PRKCE: variants seen among roughly 807,000 people sequenced by gnomAD.
The protein encoded by PRKCE is protein kinase C epsilon type.
In PRKCE, 16 loss-of-function variants were observed where a neutral mutation model predicts 85.4. The ratio of observed to expected loss-of-function variants is 0.19; its 90% CI spans 0.13 to 0.28. The LOEUF (loss-of-function observed/expected upper bound fraction) is 0.28. PRKCE is among the 10% of genes least tolerant of loss of function. PRKCE has a pLI of 1.00. For missense variants in PRKCE, 573 were observed against 975.2 expected (o/e 0.59, Z 5.49); for synonymous variants, 388 against 371.5 (o/e 1.04, Z -0.51).
chr2:45,877,253 G>T (rs2105788382), intron 2 of PRKCE, among the ~76,000 whole-genome samples: 1 of 152,158 alleles, frequency 6.6e-6, no homozygotes, highest in East Asian at 1.9e-4. Flanking sequence ...ATCTCTTTAA[G>T]ATTTTTATTC....
chr2:46,018,733 T>C (rs1451917623), intron 10 of PRKCE, among the ~76,000 whole-genome samples: 1 of 151,966 alleles, frequency 6.6e-6, no homozygotes, highest in African/African-American at 2.4e-5. Flanking sequence ...TTCATACATA[T>C]ATATTTATAA....
At chr2:45,776,018 T>G (rs1044224856) in intron 1 of PRKCE, among the ~76,000 whole-genome samples, 2 of 152,206 alleles carry the variant, frequency 1.3e-5, no homozygotes, top group Non-Finnish European at 2.9e-5. Context: ...CAATAAGGCA[T>G]ACCCTGAATA....
chr2:45,977,024 A>G (rs1007862370), intron 3 of PRKCE, among the ~76,000 whole-genome samples: 14 of 151,846 alleles, frequency 9.2e-5, no homozygotes, highest in South Asian at 2.1e-4. Flanking sequence ...AGCCTCCCAC[A>G]TAGCTGGGAT....
chr2:45,974,213 T>C (rs1033568802), intron 2 of PRKCE, among the ~76,000 whole-genome samples: 5 of 152,230 alleles, frequency 3.3e-5, no homozygotes, highest in African/African-American at 1.2e-4. Flanking sequence ...AAAACTTGCC[T>C]ATGATGGCAG....
At chr2:45,720,187 G>A (rs1680494516) in intron 1 of PRKCE, among the ~76,000 whole-genome samples, 1 of 152,162 alleles carries the variant, frequency 6.6e-6, no homozygotes, top group African/African-American at 2.4e-5. Context: ...AGGTGCAGTA[G>A]GTGAGGGAAA....
At chr2:45,670,010 CAAAAT>C (rs1044213211) in intron 1 of PRKCE, among the ~76,000 whole-genome samples, 4 of 151,934 alleles carry the variant, frequency 2.6e-5, no homozygotes, top group African/African-American at 4.8e-5. Flanking sequence ...GACTCAGTCT[CAAAAT>C]AAAATAAAAT....
Position 45,774,886 on chromosome 2 carries a change from G to A in PRKCE, c.349-68114G>A, listed in dbSNP as rs918122801. 3.9e-5 allele frequency among the ~76,000 whole-genome samples: 6 copies of A among 152,142 alleles called. No homozygotes were observed. Among genetic ancestry groups the A allele is most frequent in the African/African-American group, 1.2e-4 (5 of 41,440 alleles). ...CAAGTCCAGGGTATCACTGTGACCC[G>A]AGGAAGCCCAGTGACACGGTCCCAG... On this transcript the variant is annotated intron_variant, in intron 1 of 14. Coordinates refer to ENST00000306156, the MANE Select transcript of PRKCE (RefSeq NM_005400.3). The surrounding 1 kb of genome is among the most constrained non-coding windows in gnomAD (Gnocchi z 4.3).
At chr2:45,933,504 C>T (rs996179859) in intron 2 of PRKCE, among the ~76,000 whole-genome samples, 4 of 113,574 alleles carry the variant, frequency 3.5e-5, no homozygotes, top group Admixed American at 1.3e-4. Context: ...GACTGAGTCT[C>T]GCTCTGCCGC....
chr2:45,817,521 G>A (rs550581778), intron 1 of PRKCE, among the ~76,000 whole-genome samples: 85 of 131,582 alleles, frequency 6.5e-4, no homozygotes, highest in Non-Finnish European at 3.5e-4. Context: ...GTGAAACCCC[G>A]TCTCTAATAA....
rs373544028 is a variant in PRKCE at position 46,133,944 on chromosome 2, T to C, written c.1593-11149T>C. On this transcript the variant is annotated intron_variant, in intron 11 of 14. Transcript: ENST00000306156. ...AGGTAAAGTGGCCAAGAGAGGCATCTTTGGGATAAAGGCAGAGACCTCACA... is the reference window on the plus strand; with the variant it reads ...AGGTAAAGTGGCCAAGAGAGGCATCCTTGGGATAAAGGCAGAGACCTCACA... 3.8e-4 allele frequency among the ~76,000 whole-genome samples: 58 copies of C among 152,324 alleles called. No individual in the cohort carries two copies. The South Asian group carries it at 0.012, about 31-fold the overall frequency.
intron 1 of PRKCE, among the ~76,000 whole-genome samples, chr2:45,767,750 T>C (rs1348398609): frequency 3.3e-5 from 5 of 152,206 alleles, no homozygotes; most frequent in Admixed American, 2.0e-4. Flanking sequence ...GAAAGACCCA[T>C]GTGTTGGATT....
chr2:45,667,913 A>G (rs1675990399), intron 1 of PRKCE, among the ~76,000 whole-genome samples: 2 of 152,202 alleles, frequency 1.3e-5, no homozygotes. Flanking sequence ...TGGTCCCACC[A>G]CTGAACCAGT....
chr2:45,804,113 G>T (rs1688071598), intron 1 of PRKCE, among the ~76,000 whole-genome samples: 1 of 152,218 alleles, frequency 6.6e-6, no homozygotes, highest in Non-Finnish European at 1.5e-5. Flanking sequence ...AGCACCAGTT[G>T]AGTGTCTTGC....
chr2:46,180,203 G>A (rs1426597295), intron 14 of PRKCE, among the ~76,000 whole-genome samples: 2 of 152,200 alleles, frequency 1.3e-5, no homozygotes, highest in African/African-American at 4.8e-5. Flanking sequence ...TGAAGAAAGG[G>A]CATGTACATG....
intron 2 of PRKCE, among the ~76,000 whole-genome samples, chr2:45,878,553 C>G (rs1345239255): frequency 6.6e-6 from 1 of 152,118 alleles, no homozygotes; most frequent in Admixed American, 6.6e-5. Context: ...TGGGTTCTCA[C>G]TGTTATTCAA....
At chr2:45,843,617 C>G (rs2105491895) in intron 2 of PRKCE, among the ~76,000 whole-genome samples, 1 of 152,354 alleles carries the variant, frequency 6.6e-6, no homozygotes, top group African/African-American at 2.4e-5. Flanking sequence ...ACACCCTCTT[C>G]TTTCAATCCT....
intron 1 of PRKCE, among the ~76,000 whole-genome samples, chr2:45,797,099 C>T (rs1205598676): frequency 6.6e-6 from 1 of 152,188 alleles, no homozygotes; most frequent in African/African-American, 2.4e-5. Context: ...ATAATGCTTG[C>T]TGTCTAGCGT....
At chr2:45,741,234 T>C (rs1682534281) in intron 1 of PRKCE, among the ~76,000 whole-genome samples, 1 of 152,214 alleles carries the variant, frequency 6.6e-6, no homozygotes, top group African/African-American at 2.4e-5. Flanking sequence ...GACCTTTGTA[T>C]GTTCAGCAAT....
intron 2 of PRKCE, among the ~76,000 whole-genome samples, chr2:45,850,904 C>G (rs1258418501): frequency 6.6e-6 from 1 of 152,148 alleles, no homozygotes; most frequent in Non-Finnish European, 1.5e-5. Flanking sequence ...ATACGAGGCC[C>G]TGGGGATGTA....
Sources: allele counts gnomAD v4.1 joint callset (sites outside exome capture counted in the v4.1 genomes callset), GRCh38; gene constraint gnomAD v4.1.1; non-coding constraint Gnocchi (gnomAD v3.1); transcripts MANE v1.5; gene names NCBI Gene and HGNC (gene_info 2026-07-23, HGNC 2026-07-21).